Variants in ARHGEF11 observed in about 807,000 individuals in gnomAD.
ARHGEF11 encodes the protein Rho guanine exchange factor (GEF) 11.
ARHGEF11 carries 55 observed loss-of-function variants against 193.7 expected under a neutral mutation model. That is an observed-to-expected ratio of 0.28 (90% CI 0.23 to 0.36). The LOEUF is 0.36. ARHGEF11 is among the 10% of genes least tolerant of loss of function. The pLI, the probability that ARHGEF11 is intolerant of heterozygous loss-of-function variation, is 1.00. For missense variants in ARHGEF11, 1,723 were observed against 2,005.6 expected, an observed-to-expected ratio of 0.86 and a Z score of 2.69; for synonymous variants, 693 against 768.0, an observed-to-expected ratio of 0.90 and a Z score of 1.62.
intron 18 of ARHGEF11, among the ~76,000 whole-genome samples, chr1:156,957,092 C>T (rs1660060113): frequency 6.6e-6 from 1 of 152,156 alleles, no homozygotes; most frequent in Non-Finnish European, 1.5e-5. Flanking sequence ...TGTCAGGTGG[C>T]TTCCAACTGC....
chr1:156,966,912 A>AGG (rs1298126472), intron 11 of ARHGEF11, among the ~76,000 whole-genome samples: 5 of 152,220 alleles, frequency 3.3e-5, no homozygotes, highest in Non-Finnish European at 5.9e-5. Flanking sequence ...AAGGACACAA[A>AGG]GGGGTAAAGA....
intron 22 of ARHGEF11, 35 bp downstream of exon 22, chr1:156,951,538 C>G: frequency 6.2e-7 from 1 of 1,611,192 alleles, no homozygotes; most frequent in Non-Finnish European, 8.5e-7. Flanking sequence ...ACCCACTCTT[C>G]GAGCAGCTGG....
intron 1 of ARHGEF11, among the ~76,000 whole-genome samples, chr1:157,036,171 G>GAA (rs1290084383): frequency 7.5e-6 from 1 of 133,556 alleles, no homozygotes; most frequent in Non-Finnish European, 1.6e-5. Flanking sequence ...ATATATATAT[G>GAA]AATACATATA....
In ARHGEF11 at chr1:156,961,789, G is replaced by A; in HGVS notation, c.1141-14C>T. On this transcript the variant is annotated splice_polypyrimidine_tract_variant and intron_variant, in intron 13 of 40. Coordinates refer to ENST00000368194, the MANE Select transcript of ARHGEF11 (RefSeq NM_198236.3). ...CAGGTAAAAAAGCTAGGAGGAGAGA[G>A]AACTGGGTTAGAGCAGTGGTTCTCC... is the stretch of plus-strand genomic sequence containing the variant. 1.2e-6 allele frequency: 2 copies of A among 1,612,290 alleles called. No individual in the cohort carries two copies. The highest frequency in any genetic ancestry group is 1.7e-6 in the Non-Finnish European group (2 of 1,178,342).
intron 1 of ARHGEF11, among the ~76,000 whole-genome samples, chr1:156,991,641 A>G (rs1007330942): frequency 1.5e-4 from 22 of 147,470 alleles, no homozygotes; most frequent in East Asian, 2.1e-4. Context: ...TTATGTTATC[A>G]ATTTGAGATA....
intron 1 of ARHGEF11, among the ~76,000 whole-genome samples, chr1:156,997,545 G>A (rs1165825917): frequency 3.3e-5 from 5 of 152,278 alleles, no homozygotes; most frequent in African/African-American, 9.6e-5. Flanking sequence ...GAAAGACAGC[G>A]ATGCGTGGAA....
intron 1 of ARHGEF11, among the ~76,000 whole-genome samples, chr1:157,000,545 A>C (rs73012619): frequency 6.6e-6 from 1 of 152,216 alleles, no homozygotes; most frequent in Non-Finnish European, 1.5e-5. Flanking sequence ...CATTTGGCCC[A>C]GAAGATTCAC....
intron 11 of ARHGEF11, among the ~76,000 whole-genome samples, chr1:156,964,833 G>A (rs902232204): frequency 1.3e-5 from 2 of 152,192 alleles, no homozygotes; most frequent in Non-Finnish European, 2.9e-5. Context: ...AGCCCCAGAA[G>A]GTGGTGGGTG....
At chr1:156,998,935 C>T (rs762649723) in intron 1 of ARHGEF11, among the ~76,000 whole-genome samples, 4 of 152,142 alleles carry the variant, frequency 2.6e-5, no homozygotes, top group Non-Finnish European at 5.9e-5. Context: ...CAACTCCAGA[C>T]AACATAAAGC....
intron 7 of ARHGEF11, among the ~76,000 whole-genome samples, chr1:156,972,301 C>T (rs1043388216): frequency 6.6e-6 from 1 of 152,206 alleles, no homozygotes; most frequent in African/African-American, 2.4e-5. Context: ...ACCATCCTAG[C>T]CACTTATCTA....
intron 1 of ARHGEF11, among the ~76,000 whole-genome samples, chr1:157,026,162 G>C (rs1557974245): frequency 6.6e-6 from 1 of 152,230 alleles, no homozygotes; most frequent in East Asian, 1.9e-4. Context: ...GTCAGAGGCA[G>C]AGACAGCATC....
intron 1 of ARHGEF11, among the ~76,000 whole-genome samples, chr1:157,010,512 C>T (rs1414097508): frequency 6.6e-6 from 1 of 152,144 alleles, no homozygotes; most frequent in Non-Finnish European, 1.5e-5. Context: ...GCTTCAAACT[C>T]CTGGGCTCAA....
intron 1 of ARHGEF11, among the ~76,000 whole-genome samples, chr1:157,002,586 CTTG>C (rs1416195211): frequency 6.6e-6 from 1 of 152,148 alleles, no homozygotes; most frequent in Non-Finnish European, 1.5e-5. Flanking sequence ...CTATTTGGCA[CTTG>C]TTATCAAATC....
intron 1 of ARHGEF11, among the ~76,000 whole-genome samples, chr1:156,995,312 T>G (rs558056032): frequency 1.3e-5 from 2 of 152,330 alleles, no homozygotes; most frequent in South Asian, 4.1e-4. Flanking sequence ...GGGTGAGGGC[T>G]CATGCCTATT....
At chr1:157,031,745 G>A (rs1671335922) in intron 1 of ARHGEF11, among the ~76,000 whole-genome samples, 2 of 152,300 alleles carry the variant, frequency 1.3e-5, no homozygotes, top group South Asian at 4.2e-4. Context: ...GAACTGCATG[G>A]GATCCCTACT....
chr1:157,004,217 A>T (rs1667548764), intron 1 of ARHGEF11, among the ~76,000 whole-genome samples: 1 of 152,222 alleles, frequency 6.6e-6, no homozygotes, highest in South Asian at 2.1e-4. Flanking sequence ...CTAGCATTTC[A>T]GAGCATACAA....
At chr1:157,026,253 C>A (rs1200357743) in intron 1 of ARHGEF11, among the ~76,000 whole-genome samples, 1 of 152,180 alleles carries the variant, frequency 6.6e-6, no homozygotes, top group Non-Finnish European at 1.5e-5. Flanking sequence ...CTTTTCTCTA[C>A]CTTCTGTAGC....
intron 38 of ARHGEF11, among the ~76,000 whole-genome samples, chr1:156,938,164 C>T (rs958336761): frequency 2.6e-5 from 4 of 152,202 alleles, no homozygotes; most frequent in African/African-American, 9.7e-5. Flanking sequence ...GCCCCTCCCA[C>T]AATTGCACAC....
chr1:156,973,139 C>G (rs947769095), intron 7 of ARHGEF11, among the ~76,000 whole-genome samples: 17 of 151,952 alleles, frequency 1.1e-4, no homozygotes, highest in African/African-American at 4.1e-4. Context: ...CTATGTTGCC[C>G]AGGGGTCTTG....
Sources: gnomAD v4.1 joint callset for allele counts (sites outside exome capture counted in the v4.1 genomes callset) on GRCh38, gnomAD v4.1.1 for gene constraint, MANE v1.5 for transcripts, NCBI Gene and HGNC (gene_info 2026-07-23, HGNC 2026-07-21) for gene names.